The following SLC38A8 variants were observed in gnomAD, a reference collection of about 807,000 sequenced individuals.
The protein encoded by SLC38A8 is solute carrier family 38 member 8, also known as amino acid transporter SLC38A8.
In SLC38A8, 65 loss-of-function variants were observed where a neutral mutation model predicts 46.0. That is an observed-to-expected ratio of 1.41 (90% CI 1.16 to 1.74). The LOEUF (loss-of-function observed/expected upper bound fraction) is 1.74, where lower values mean the gene tolerates loss of function less well. Ranked by LOEUF, SLC38A8 falls within the 40% of genes most tolerant of loss-of-function variation. The pLI is 0.00. For synonymous variants in SLC38A8, 447 were observed against 243.7 expected, an observed-to-expected ratio of 1.83 and a Z score of -7.77; for missense variants, 998 against 567.9, an observed-to-expected ratio of 1.76 and a Z score of -7.70.
chr16:84,039,629 C>G (rs1284550211), intron 2 of SLC38A8, among the ~76,000 whole-genome samples: 1 of 151,846 alleles, frequency 6.6e-6, no homozygotes, highest in African/African-American at 2.4e-5. Context: ...GCCTGTAGTC[C>G]CAGCTACTTG....
intron 2 of SLC38A8, among the ~76,000 whole-genome samples, chr16:84,039,576 C>A (rs573019342): frequency 6.6e-6 from 1 of 152,170 alleles, no homozygotes; most frequent in African/African-American, 2.4e-5. Context: ...GAAACCCCAT[C>A]TCTACTAAAA....
At chr16:84,027,222 C>T (rs905732357) in intron 6 of SLC38A8, among the ~76,000 whole-genome samples, 3 of 152,116 alleles carry the variant, frequency 2.0e-5, no homozygotes, top group African/African-American at 4.8e-5. Context: ...TGGTGACAGG[C>T]GCCTGTAATC....
chr16:84,039,761 AAAAAAAAGGC>A (rs2085347096), intron 2 of SLC38A8, among the ~76,000 whole-genome samples: 1 of 76,918 alleles, frequency 1.3e-5, no homozygotes, highest in East Asian at 4.9e-4. Flanking sequence ...AAAAAAAAAA[AAAAAAAAGGC>A]AGGGGAAGGT....
At chr16:84,043,160 C>G (rs946079586), upstream of SLC38A8, among the ~76,000 whole-genome samples, 23 of 152,326 alleles carry the variant, frequency 1.5e-4, no homozygotes, top group African/African-American at 5.5e-4. Flanking sequence ...TAATCCCATG[C>G]ACACGAGTCA....
At chr16:84,037,704 T>G (rs564093517) in intron 2 of SLC38A8, among the ~76,000 whole-genome samples, 1 of 149,754 alleles carries the variant, frequency 6.7e-6, no homozygotes, top group African/African-American at 2.5e-5. Flanking sequence ...GACGTTGCAG[T>G]GAGCCAAAAT....
intron 3 of SLC38A8, among the ~76,000 whole-genome samples, chr16:84,036,189 A>G (rs2085297462): frequency 6.6e-6 from 1 of 152,250 alleles, no homozygotes; most frequent in Admixed American, 6.5e-5. Context: ...TCACAAGTCA[A>G]AGAAACCACA....
chr16:84,025,454 C>T (rs1365639594), intron 6 of SLC38A8, among the ~76,000 whole-genome samples: 1 of 152,206 alleles, frequency 6.6e-6, no homozygotes, highest in Non-Finnish European at 1.5e-5. Flanking sequence ...CTCACACAGC[C>T]CGTGTCCTCA....
chr16:84,009,871 G>A lies in SLC38A8; in HGVS notation c.1221C>T (p.Cys407=). 1 of 1,613,500 alleles carries A rather than the reference G, an allele frequency of 6.2e-7. No homozygotes were observed. The highest frequency in any genetic ancestry group is 8.5e-7 in the Non-Finnish European group (1 of 1,179,846). Residue 407 remains cysteine, a synonymous_variant, in exon 11 of 11, where the codon TGC becomes TGT. Coordinates refer to ENST00000299709, the MANE Select transcript of SLC38A8 (RefSeq NM_001080442.3). ...CAGAGACCACTCCCCAGACCTCCAGGCAGCACCTGCCAAGTGAATAAACCC... is the reference window on the plus strand; with the variant it reads ...CAGAGACCACTCCCCAGACCTCCAGACAGCACCTGCCAAGTGAATAAACCC... ...VEPIGPRVKC[C]LEVWGVVSVL...
rs587777253 is a variant in SLC38A8 at position 84,042,063 on chromosome 16, A to C, written c.95T>G (p.Ile32Ser). The change falls in exon 2 of 11, where the codon ATC (isoleucine) becomes AGC (serine). Residue 32 changes from isoleucine (I) to serine (S), a missense_variant. Transcript: ENST00000299709. ...AGCTCCCAGCGCGGACTTCATGAGGATGAAGACAGCGCCCATCGAGGACAG... is the reference window on the plus strand; with the variant it reads ...AGCTCCCAGCGCGGACTTCATGAGGCTGAAGACAGCGCCCATCGAGGACAG... ...ATLSSMGAVF[I>S]LMKSALGAGL... 7 of 1,613,980 alleles carry C rather than the reference A, an allele frequency of 4.3e-6. No homozygotes were observed. The highest frequency in any genetic ancestry group is 5.1e-6 in the Non-Finnish European group (6 of 1,179,980).
At chr16:84,024,746 G>A (rs528061265) in intron 6 of SLC38A8, among the ~76,000 whole-genome samples, 1 of 152,262 alleles carries the variant, frequency 6.6e-6, no homozygotes, top group East Asian at 2.0e-4. Context: ...ATGGACTGAA[G>A]TGGCGCGAAC....
intron 6 of SLC38A8, among the ~76,000 whole-genome samples, chr16:84,025,678 G>C (rs1225733052): frequency 6.6e-6 from 1 of 152,176 alleles, no homozygotes; most frequent in Non-Finnish European, 1.5e-5. Flanking sequence ...TGTCACTCAT[G>C]AGTCCTCCTC....
chr16:84,018,092 C>A (rs1018395321), intron 7 of SLC38A8, among the ~76,000 whole-genome samples: 1 of 152,150 alleles, frequency 6.6e-6, no homozygotes, highest in Non-Finnish European at 1.5e-5. Context: ...TTACTTCCTA[C>A]AGTTATGAAG....
chr16:84,036,716 T>G lies in SLC38A8; in HGVS notation c.374A>C (p.Asp125Ala). 6.2e-7 allele frequency: 1 copy of G among 1,614,054 alleles called. No homozygotes were observed. Among genetic ancestry groups the G allele is most frequent in the Non-Finnish European group, 8.5e-7 (1 of 1,179,982 alleles). ...AAGGTACTTACGCTTCTCCAGCTGG[T>G]CCCCGATCACCCTGAGGAAGGCCAC... ...ISVAFLRVIG[D>A]QLEKLCDSLL... is the part of the protein sequence containing the mutation. The change falls in exon 3 of 11, where the codon GAC becomes GCC. Residue 125 changes from aspartate (D) to alanine (A), a missense_variant. Coordinates refer to ENST00000299709, the MANE Select transcript of SLC38A8 (RefSeq NM_001080442.3).
rs189664306 is a variant in SLC38A8, at chr16:84,032,213, G to C, written c.531-245C>G. On this transcript the variant is annotated intron_variant, in intron 4 of 10. Coordinates refer to ENST00000299709, the MANE Select transcript of SLC38A8 (RefSeq NM_001080442.3). ...GTTGTTGTTGTTGTTTTTTGAGACG[G>C]AGTCTCGCTCTGTTGCCCAGGCTGG... Among the ~76,000 whole-genome samples the C allele has an allele frequency of 6.9e-4, 105 of 152,186 alleles. 1 individual carries two copies. Among genetic ancestry groups the C allele is most frequent in the Non-Finnish European group, 1.4e-3 (92 of 68,018 alleles).
rs2084945626 is a variant in SLC38A8 at position 84,010,962 on chromosome 16, A to G, written c.1215-1085T>C. ...CGAGGCCACATTTGTGAGCTTCGTC[A>G]TGTAACCAGAGATGGGGTAGACAAG... On this transcript the variant is annotated intron_variant, in intron 10 of 10. Transcript: ENST00000299709. Among the ~76,000 whole-genome samples, 6 of 152,294 alleles carry G rather than the reference A, an allele frequency of 3.9e-5. No individual in the cohort carries two copies. In the South Asian group the frequency reaches 1.2e-3, roughly 32 times the overall value.
At chr16:84,032,919 GGTGTGGGTAC>G (rs1185007288) in intron 4 of SLC38A8, among the ~76,000 whole-genome samples, 1 of 89,506 alleles carries the variant, frequency 1.1e-5, no homozygotes, top group African/African-American at 7.0e-5. Flanking sequence ...AGCATGGGTG[GGTGTGGGTAC>G]GTGGGTGTGC....
intron 3 of SLC38A8, among the ~76,000 whole-genome samples, chr16:84,033,856 C>A (rs932592541): frequency 9.2e-5 from 14 of 152,220 alleles, no homozygotes; most frequent in African/African-American, 3.4e-4. Context: ...GGCCACCGTG[C>A]CGTCAGCAAC....
At chr16:84,021,593 T>C (rs2085097130) in intron 7 of SLC38A8, among the ~76,000 whole-genome samples, 1 of 152,194 alleles carries the variant, frequency 6.6e-6, no homozygotes, top group Non-Finnish European at 1.5e-5. Context: ...CTCTAAGCCC[T>C]CACCAGAATC....
At position 84,033,370 on chromosome 16, in the gene SLC38A8, G is replaced by A. The variant is rs2085267347; in HGVS notation, c.488C>T (p.Pro163Leu). The change falls in exon 4 of 11, where the codon CCC becomes CTC. Residue 163 changes from proline to leucine, a missense_variant. Pro to Leu is a moderately conservative substitution (Grantham distance 98, BLOSUM62 -3). Coordinates refer to ENST00000299709, the MANE Select transcript of SLC38A8 (RefSeq NM_001080442.3). ...LPLLSVLVIL[P>L]LSAPREIAFQ... ...GGCGATCTCCCGCGGGGCAGACAGG[G>A]GCAGGATGACCAGCACGGAGAGCAG... 1.2e-6 allele frequency: 2 copies of A among 1,613,908 alleles called. No individual in the cohort carries two copies. Among genetic ancestry groups the A allele is most frequent in the Admixed American group, 1.7e-5 (1 of 60,000 alleles).
Sources: allele counts gnomAD v4.1 joint callset (sites outside exome capture counted in the v4.1 genomes callset), GRCh38; gene constraint gnomAD v4.1.1; transcripts MANE v1.5; gene names NCBI Gene and HGNC (gene_info 2026-07-23, HGNC 2026-07-21).